ZNF804A: variants seen among roughly 807,000 people sequenced by gnomAD.
ZNF804A encodes zinc finger protein 804A.
In ZNF804A, 2 loss-of-function variants were observed where a neutral mutation model predicts 16.5. The ratio of observed to expected loss-of-function variants is 0.12; its 90% CI spans 0.05 to 0.38. The LOEUF (loss-of-function observed/expected upper bound fraction) is 0.38, where lower values mean the gene tolerates loss of function less well. Ranked by LOEUF, ZNF804A falls within the 10% of genes least tolerant of loss-of-function variation. ZNF804A has a pLI of 0.99. For synonymous variants in ZNF804A, 534 were observed against 489.6 expected (o/e 1.09, Z -1.20); for missense variants, 1,473 against 1,390.7 (o/e 1.06, Z -0.94).
intron 1 of ZNF804A, among the ~76,000 whole-genome samples, chr2:184,713,663 A>G (rs953508411): frequency 6.6e-6 from 1 of 151,996 alleles, no homozygotes. Context: ...AAATAAAAGT[A>G]TAGGCTATAT....
intron 1 of ZNF804A, among the ~76,000 whole-genome samples, chr2:184,707,368 G>A (rs916099467): frequency 6.6e-6 from 1 of 152,092 alleles, no homozygotes; most frequent in African/African-American, 2.4e-5. Context: ...GTGATGCTGA[G>A]GTTTGGGATA....
chr2:184,657,445 C>A (rs1489546993), intron 1 of ZNF804A, among the ~76,000 whole-genome samples: 2 of 152,120 alleles, frequency 1.3e-5, no homozygotes, highest in Non-Finnish European at 2.9e-5. Flanking sequence ...TCAGGAATTG[C>A]TCTTAGTAGA....
chr2:184,910,203 C>A (rs539386833), intron 2 of ZNF804A, among the ~76,000 whole-genome samples: 124 of 151,930 alleles, frequency 8.2e-4, no homozygotes, highest in Non-Finnish European at 1.6e-3. Flanking sequence ...TATCTAGTTC[C>A]CATTTGTGAG....
At chr2:184,682,220 G>A (rs1483576752) in intron 1 of ZNF804A, among the ~76,000 whole-genome samples, 1 of 152,214 alleles carries the variant, frequency 6.6e-6, no homozygotes, top group East Asian at 1.9e-4. Flanking sequence ...AAAGTGGGCA[G>A]AACAAGCCCG....
chr2:184,603,885 C>T (rs895634729), intron 1 of ZNF804A, among the ~76,000 whole-genome samples: 8 of 152,160 alleles, frequency 5.3e-5, no homozygotes, highest in African/African-American at 1.7e-4. Flanking sequence ...GTTTTGAATT[C>T]TAGTGAAACT....
chr2:184,841,428 A>G lies in ZNF804A; in HGVS notation c.112-24941A>G, dbSNP rs551142429. ...CATCTTATAAATATTTTAAAACCTCATAGTGTTTCCATTATCTAATTAATG... is the reference window on the plus strand; with the variant it reads ...CATCTTATAAATATTTTAAAACCTCGTAGTGTTTCCATTATCTAATTAATG... On this transcript the variant is annotated intron_variant, in intron 1 of 3. Transcript: ENST00000302277. Among the ~76,000 whole-genome samples, 3 of 152,300 alleles carry G rather than the reference A, an allele frequency of 2.0e-5. No homozygotes were observed. In the East Asian group the frequency reaches 5.8e-4, roughly 29 times the overall value.
intron 1 of ZNF804A, among the ~76,000 whole-genome samples, chr2:184,780,829 T>G (rs1694361090): frequency 6.6e-6 from 1 of 151,764 alleles, no homozygotes; most frequent in Non-Finnish European, 1.5e-5. Flanking sequence ...ACTAGAGACT[T>G]GCATTTCAAT....
chr2:184,845,539 GC>G (rs1695498329), intron 1 of ZNF804A, among the ~76,000 whole-genome samples: 1 of 152,124 alleles, frequency 6.6e-6, no homozygotes, highest in Non-Finnish European at 1.5e-5. Flanking sequence ...AGACAGAAAG[GC>G]TATGGGGTCT....
chr2:184,752,574 C>G (rs143416086), intron 1 of ZNF804A, among the ~76,000 whole-genome samples: 19 of 151,526 alleles, frequency 1.3e-4, no homozygotes, highest in Non-Finnish European at 2.7e-4. Flanking sequence ...CAATTCCCAC[C>G]AGTACACAAT....
chr2:184,609,113 G>A (rs1691196899), intron 1 of ZNF804A, among the ~76,000 whole-genome samples: 1 of 152,194 alleles, frequency 6.6e-6, no homozygotes. Flanking sequence ...GCCATATGGA[G>A]AATAAAGTTC....
intron 2 of ZNF804A, among the ~76,000 whole-genome samples, chr2:184,877,381 G>GA (rs1684724531): frequency 6.6e-6 from 1 of 151,870 alleles, no homozygotes; most frequent in Admixed American, 6.6e-5. Flanking sequence ...ATTCATCCAG[G>GA]AAAAAATATG....
At chr2:184,878,189 G>C (rs906215128) in intron 2 of ZNF804A, among the ~76,000 whole-genome samples, 2 of 151,982 alleles carry the variant, frequency 1.3e-5, no homozygotes, top group Non-Finnish European at 2.9e-5. Flanking sequence ...TCTCTTTAGA[G>C]GACTAGTAAG....
intron 1 of ZNF804A, among the ~76,000 whole-genome samples, chr2:184,737,352 C>T (rs915120469): frequency 3.9e-5 from 6 of 152,018 alleles, no homozygotes. Context: ...TGAGCCACTG[C>T]GACCGGCTTT....
chr2:184,776,425 G>A (rs910502786), intron 1 of ZNF804A, among the ~76,000 whole-genome samples: 3 of 151,240 alleles, frequency 2.0e-5, no homozygotes, highest in Non-Finnish European at 4.4e-5. Context: ...TCATTATTGA[G>A]TGATTAGATG....
chr2:184,789,275 G>A (rs763699304), intron 1 of ZNF804A, among the ~76,000 whole-genome samples: 1 of 152,062 alleles, frequency 6.6e-6, no homozygotes, highest in African/African-American at 2.4e-5. Context: ...GTTCATCAGT[G>A]ATATTGGTTT....
At chr2:184,733,611 C>T (rs1693558288) in intron 1 of ZNF804A, among the ~76,000 whole-genome samples, 1 of 152,092 alleles carries the variant, frequency 6.6e-6, no homozygotes, top group Non-Finnish European at 1.5e-5. Flanking sequence ...TTCTTCCTTA[C>T]ATATCTGGTA....
At chr2:184,856,299 C>G (rs768261336) in intron 1 of ZNF804A, among the ~76,000 whole-genome samples, 10 of 151,874 alleles carry the variant, frequency 6.6e-5, no homozygotes, top group Non-Finnish European at 1.2e-4. Flanking sequence ...CTTCTCATTT[C>G]TAGAGGAACC....
intron 1 of ZNF804A, among the ~76,000 whole-genome samples, chr2:184,655,899 G>A (rs1692067977): frequency 6.6e-6 from 1 of 152,074 alleles, no homozygotes; most frequent in Non-Finnish European, 1.5e-5. Flanking sequence ...ATTTTTTTAT[G>A]TGAATGAAAA....
intron 1 of ZNF804A, among the ~76,000 whole-genome samples, chr2:184,715,332 T>C (rs1310586441): frequency 6.6e-6 from 1 of 152,218 alleles, no homozygotes; most frequent in Non-Finnish European, 1.5e-5. Flanking sequence ...CCCACATTTG[T>C]GACTGAGTTT....
Sources: allele counts gnomAD v4.1 joint callset (sites outside exome capture counted in the v4.1 genomes callset), GRCh38; gene constraint gnomAD v4.1.1; transcripts MANE v1.5; gene names NCBI Gene and HGNC (gene_info 2026-07-23, HGNC 2026-07-21).